The following SHROOM3 variants were observed in gnomAD, a reference collection of about 807,000 sequenced individuals.
SHROOM3 encodes protein Shroom3.
A neutral mutation model predicts 138.6 loss-of-function variants in SHROOM3; 47 were observed. That is an observed-to-expected ratio of 0.34 (90% CI 0.27 to 0.43). The LOEUF is 0.43. SHROOM3 is among the 20% of genes least tolerant of loss of function. SHROOM3 has a pLI of 1.00. For synonymous variants in SHROOM3, 1,062 were observed against 1,063.3 expected (o/e 1.00, Z 0.02); for missense variants, 2,491 against 2,596.5 (o/e 0.96, Z 0.88).
chr4:76,688,753 AG>A, intron 2 of SHROOM3: 1 of 985,438 alleles, frequency 1.0e-6, no homozygotes, highest in Non-Finnish European at 1.2e-6. Context: ...AAGTTTGCAA[AG>A]CTGAATCCAA....
chr4:76,773,453 G>A (rs893938141), intron 10 of SHROOM3, among the ~76,000 whole-genome samples: 1 of 151,576 alleles, frequency 6.6e-6, no homozygotes, highest in Non-Finnish European at 1.5e-5. Context: ...AGATAAAGAA[G>A]AAAGTTCAAA....
chr4:76,595,747 A>G (rs993528026), intron 2 of SHROOM3, among the ~76,000 whole-genome samples: 3 of 152,180 alleles, frequency 2.0e-5, no homozygotes, highest in African/African-American at 7.2e-5. Flanking sequence ...TGAGCACATC[A>G]TTATCTGATC....
intron 10 of SHROOM3, among the ~76,000 whole-genome samples, chr4:76,773,629 T>C (rs1428735789): frequency 6.6e-6 from 1 of 152,108 alleles, no homozygotes; most frequent in African/African-American, 2.4e-5. Flanking sequence ...AGCTGCCCTA[T>C]AGCACTGAGG....
intron 2 of SHROOM3, among the ~76,000 whole-genome samples, chr4:76,674,550 C>T (rs1577966506): frequency 1.4e-5 from 2 of 138,592 alleles, no homozygotes; most frequent in African/African-American, 2.7e-5. Flanking sequence ...TCCTTCCTTC[C>T]TTCCTTTTTT....
chr4:76,760,676 C>T (rs1366576255), intron 9 of SHROOM3, among the ~76,000 whole-genome samples: 1 of 152,224 alleles, frequency 6.6e-6, no homozygotes, highest in African/African-American at 2.4e-5. Context: ...TCATGGCTAA[C>T]ATGCTGATGC....
chr4:76,468,946 A>G (rs1393389110), intron 1 of SHROOM3, among the ~76,000 whole-genome samples: 1 of 151,856 alleles, frequency 6.6e-6, no homozygotes, highest in Non-Finnish European at 1.5e-5. Context: ...AAACAGGAGA[A>G]TGGCATGAAC....
chr4:76,646,122 C>T (rs376815224), intron 2 of SHROOM3, among the ~76,000 whole-genome samples: 16 of 150,942 alleles, frequency 1.1e-4, no homozygotes, highest in African/African-American at 2.2e-4. Flanking sequence ...CTAATGTAAA[C>T]GATGAGTTAA....
intron 2 of SHROOM3, among the ~76,000 whole-genome samples, chr4:76,571,352 T>G (rs1267834143): frequency 6.6e-6 from 1 of 152,196 alleles, no homozygotes; most frequent in African/African-American, 2.4e-5. Context: ...TGAACCAATA[T>G]GGGTTCTTCA....
chr4:76,547,234 C>T (rs993266375), intron 1 of SHROOM3, among the ~76,000 whole-genome samples: 20 of 152,258 alleles, frequency 1.3e-4, no homozygotes, highest in African/African-American at 4.3e-4. Flanking sequence ...AATGTCTGGG[C>T]GATTCTCAGG....
At chr4:76,559,631 C>G (rs1013392989) in intron 2 of SHROOM3, 5 of 152,056 alleles carry the variant, frequency 3.3e-5, no homozygotes, top group Non-Finnish European at 7.4e-5. Context: ...TTTGGCTGGG[C>G]GAGGGCGGCA....
intron 2 of SHROOM3, among the ~76,000 whole-genome samples, chr4:76,642,624 T>C (rs1735703371): frequency 6.6e-6 from 1 of 152,164 alleles, no homozygotes; most frequent in African/African-American, 2.4e-5. Context: ...GTTTGAAATT[T>C]AAACTTTTGG....
chr4:76,616,818 A>C (rs1004761678), intron 2 of SHROOM3, among the ~76,000 whole-genome samples: 1 of 152,238 alleles, frequency 6.6e-6, no homozygotes, highest in African/African-American at 2.4e-5. Context: ...AATGGCTCAG[A>C]TAGTAAATTG....
intron 1 of SHROOM3, among the ~76,000 whole-genome samples, chr4:76,518,968 T>C (rs1266386419): frequency 6.6e-6 from 1 of 152,160 alleles, no homozygotes; most frequent in Non-Finnish European, 1.5e-5. Context: ...ACACTGCCTC[T>C]CTCTGCTTGT....
chr4:76,708,780 A>T (rs1455145054), intron 2 of SHROOM3, among the ~76,000 whole-genome samples: 1 of 152,204 alleles, frequency 6.6e-6, no homozygotes, highest in Non-Finnish European at 1.5e-5. Context: ...AAACCATGGT[A>T]CACTGCCTCA....
intron 1 of SHROOM3, among the ~76,000 whole-genome samples, chr4:76,507,765 C>G (rs928469167): frequency 6.6e-6 from 1 of 151,904 alleles, no homozygotes; most frequent in Non-Finnish European, 1.5e-5. Context: ...AGGATGGTCT[C>G]GATCTCCTGA....
intron 1 of SHROOM3, among the ~76,000 whole-genome samples, chr4:76,490,917 A>G (rs1731835921): frequency 6.6e-6 from 1 of 152,194 alleles, no homozygotes; most frequent in East Asian, 1.9e-4. Flanking sequence ...TTAACTACAG[A>G]GTCAGCTTTC....
Position 76,771,631 on chromosome 4 carries a change from G to C in SHROOM3, c.5622+733G>C, listed in dbSNP as rs76013097. ...GTCTCCACTGCACCCCCTCCTCGAA[G>C]GGAGGGTACAGGGGGACAGGTAACA... is the stretch of plus-strand genomic sequence containing the variant. On this transcript the variant is annotated intron_variant, in intron 10 of 10. Coordinates refer to ENST00000296043, the MANE Select transcript of SHROOM3 (RefSeq NM_020859.4). Among the ~76,000 whole-genome samples, 1,339 of 152,266 alleles carry C rather than the reference G, an allele frequency of 8.8e-3. 66 individuals are homozygous for C. The highest frequency in any genetic ancestry group is 0.07 in the Admixed American group (1,069 of 15,300).
chr4:76,722,558 AGG>A (rs1285279278), intron 3 of SHROOM3, among the ~76,000 whole-genome samples: 1 of 152,066 alleles, frequency 6.6e-6, no homozygotes, highest in African/African-American at 2.4e-5. Flanking sequence ...ATTGGGTACT[AGG>A]CTTAGTGCCT....
chr4:76,744,680 G>A (rs1721372822), intron 5 of SHROOM3, among the ~76,000 whole-genome samples: 1 of 152,200 alleles, frequency 6.6e-6, no homozygotes, highest in Admixed American at 6.5e-5. Context: ...TTGCTTTAGA[G>A]AATTCTGACA....
Sources: allele counts gnomAD v4.1 joint callset (sites outside exome capture counted in the v4.1 genomes callset), GRCh38; gene constraint gnomAD v4.1.1; transcripts MANE v1.5; gene names NCBI Gene and HGNC (gene_info 2026-07-23, HGNC 2026-07-21).